Variants in MCTP1 observed in about 807,000 individuals in gnomAD.
The protein encoded by MCTP1 is multiple C2 and transmembrane domain-containing protein 1.
In MCTP1, 69 loss-of-function variants were observed where a neutral mutation model predicts 120.6. That is an observed-to-expected ratio of 0.57 (90% CI 0.47 to 0.70). The LOEUF (loss-of-function observed/expected upper bound fraction) is 0.70. MCTP1 is among the 30% of genes least tolerant of loss of function. The pLI, the probability that MCTP1 is intolerant of heterozygous loss-of-function variation, is 0.00. For missense variants in MCTP1, 1,203 were observed against 1,248.8 expected (o/e 0.96, Z 0.55); for synonymous variants, 529 against 493.1 (o/e 1.07, Z -0.96).
intron 1 of MCTP1, among the ~76,000 whole-genome samples, chr5:95,144,432 TG>T (rs778058194): frequency 4.1e-4 from 63 of 152,316 alleles, no homozygotes; most frequent in Non-Finnish European, 6.6e-4. Context: ...TGTCAATTTT[TG>T]TTTTTGTTGC....
intron 2 of MCTP1, among the ~76,000 whole-genome samples, chr5:94,965,431 CTG>C (rs1185624108): frequency 1.3e-5 from 2 of 152,142 alleles, no homozygotes; most frequent in Non-Finnish European, 2.9e-5. Flanking sequence ...CAGCCCTTTA[CTG>C]TGCCTTTTCC....
intron 2 of MCTP1, among the ~76,000 whole-genome samples, chr5:95,005,326 C>A (rs1415370371): frequency 2.0e-5 from 3 of 152,058 alleles, no homozygotes; most frequent in Non-Finnish European, 4.4e-5. Flanking sequence ...AGACTTTGGA[C>A]TTGGACTTTT....
chr5:94,862,897 T>C (rs1246468657), intron 17 of MCTP1, among the ~76,000 whole-genome samples: 1 of 151,794 alleles, frequency 6.6e-6, no homozygotes, highest in Admixed American at 6.6e-5. Context: ...GAAAAGAAAA[T>C]TGTGGTACGA....
At chr5:94,891,007 T>C (rs753426956) in intron 11 of MCTP1, among the ~76,000 whole-genome samples, 4 of 152,180 alleles carry the variant, frequency 2.6e-5, no homozygotes, top group Non-Finnish European at 5.9e-5. Flanking sequence ...ATATTAATAA[T>C]GTGAGAATAC....
chr5:94,738,636 T>G (rs1423405879), intron 19 of MCTP1, among the ~76,000 whole-genome samples: 1 of 152,168 alleles, frequency 6.6e-6, no homozygotes, highest in East Asian at 1.9e-4. Context: ...TTGATTCATC[T>G]CTCCCTGTTG....
intron 19 of MCTP1, among the ~76,000 whole-genome samples, chr5:94,773,442 C>A (rs572032807): frequency 6.6e-6 from 1 of 152,092 alleles, no homozygotes; most frequent in African/African-American, 2.4e-5. Flanking sequence ...TGGGTCTATG[C>A]GGTTTTGATA....
At position 94,852,450 on chromosome 5, in the gene MCTP1, G is replaced by A. The variant is rs568185121; in HGVS notation, c.2436+15883C>T. Among the ~76,000 whole-genome samples, 6 of 151,910 alleles carry A rather than the reference G, an allele frequency of 3.9e-5. No individual in the cohort carries two copies. In the South Asian group the frequency reaches 1.2e-3, roughly 32 times the overall value. ...GCATAATTATAAACCATAACAAGGGGTAAGAATTTTCCTACTGCATTTTAG... is the reference window on the plus strand; with the variant it reads ...GCATAATTATAAACCATAACAAGGGATAAGAATTTTCCTACTGCATTTTAG... On this transcript the variant is annotated intron_variant, in intron 17 of 22. Coordinates refer to ENST00000515393, the MANE Select transcript of MCTP1 (RefSeq NM_024717.7).
rs530429321 is a variant in MCTP1 at position 95,173,526 on chromosome 5, C to T, written c.720+110330G>A. On this transcript the variant is annotated intron_variant, in intron 1 of 22. Transcript: ENST00000515393. ...TGTTTATAAAGTAAAGGTTAAACTG[C>T]TTACCTTGGTAGGCAAGGCATGCTA... Among the ~76,000 whole-genome samples, 75 of 152,272 alleles carry T rather than the reference C, an allele frequency of 4.9e-4. 2 individuals carry two copies. The highest frequency in any genetic ancestry group is 1.0e-3 in the South Asian group (5 of 4,820).
intron 1 of MCTP1, among the ~76,000 whole-genome samples, chr5:95,228,840 C>T (rs1198873866): frequency 2.0e-5 from 3 of 152,172 alleles, no homozygotes; most frequent in African/African-American, 7.2e-5. Context: ...ATGTGAAGTG[C>T]CTGCTCCCTC....
At chr5:94,867,607 C>T (rs1337508806) in intron 17 of MCTP1, 1 of 397,810 alleles carries the variant, frequency 2.5e-6, no homozygotes, top group East Asian at 3.7e-5. Context: ...TCTACTTAAA[C>T]TTCAAACTGA....
intron 1 of MCTP1, among the ~76,000 whole-genome samples, chr5:95,164,962 T>C (rs1366573494): frequency 1.3e-5 from 2 of 152,256 alleles, no homozygotes; most frequent in East Asian, 3.9e-4. Context: ...AGGAGTCCTC[T>C]GCATCCAGCA....
intron 18 of MCTP1, 78 bp downstream of exon 18, chr5:94,798,935 C>A: frequency 6.7e-7 from 1 of 1,485,400 alleles, no homozygotes; most frequent in East Asian, 2.4e-5. Flanking sequence ...GTTTGTAAAG[C>A]CAAATTCAAT....
At chr5:95,167,206 G>A (rs1439457850) in intron 1 of MCTP1, among the ~76,000 whole-genome samples, 1 of 152,114 alleles carries the variant, frequency 6.6e-6, no homozygotes, top group Non-Finnish European at 1.5e-5. Context: ...ATGGTTTCCA[G>A]CTTCATCCAT....
intron 1 of MCTP1, among the ~76,000 whole-genome samples, chr5:95,217,459 C>A (rs986478801): frequency 2.0e-5 from 3 of 152,168 alleles, no homozygotes; most frequent in Non-Finnish European, 4.4e-5. Flanking sequence ...AACTATATTT[C>A]TTCGAATAAA....
chr5:94,704,913 GAGA>G lies in MCTP1; in HGVS notation c.*2580_*2582del, dbSNP rs1423994404. ...AGTCTGGAACAGTACCAGAATGAAT[GAGA>G]AGTACTATTATGTTCTTTTTGATAA... On this transcript the variant is annotated 3_prime_UTR_variant, in exon 23 of 23. Coordinates refer to ENST00000515393, the MANE Select transcript of MCTP1 (RefSeq NM_024717.7). 1.3e-5 allele frequency: 2 copies of G among 151,178 alleles called. No individual in the cohort carries two copies. Among genetic ancestry groups the G allele is most frequent in the African/African-American group, 4.8e-5 (2 of 41,302 alleles). The allele number at this position is 151,178 out of a possible 1,614,324, so 9.4% of individuals were successfully genotyped here.
At chr5:95,213,897 A>T (rs1284220033) in intron 1 of MCTP1, among the ~76,000 whole-genome samples, 1 of 152,250 alleles carries the variant, frequency 6.6e-6, no homozygotes, top group African/African-American at 2.4e-5. Flanking sequence ...GTTAGACCTA[A>T]AATCATAAAA....
intron 1 of MCTP1, among the ~76,000 whole-genome samples, chr5:95,114,602 C>T (rs1315981831): frequency 2.0e-5 from 3 of 152,152 alleles, no homozygotes; most frequent in Admixed American, 6.5e-5. Context: ...GAAGGGACTG[C>T]GTGTTGTTGT....
At chr5:94,846,817 C>CTGTG (rs67319075) in intron 17 of MCTP1, among the ~76,000 whole-genome samples, 136 of 147,240 alleles carry the variant, frequency 9.2e-4, no homozygotes, top group Admixed American at 1.1e-3. Context: ...CTGTGTGTGT[C>CTGTG]TGTGTGTGTG....
At chr5:94,816,199 T>C (rs974213876) in intron 17 of MCTP1, among the ~76,000 whole-genome samples, 1 of 152,202 alleles carries the variant, frequency 6.6e-6, no homozygotes, top group Non-Finnish European at 1.5e-5. Flanking sequence ...AGTGTATACA[T>C]GGATATAACA....
Sources: allele counts gnomAD v4.1 joint callset (sites outside exome capture counted in the v4.1 genomes callset), GRCh38; gene constraint gnomAD v4.1.1; transcripts MANE v1.5; gene names NCBI Gene and HGNC (gene_info 2026-07-23, HGNC 2026-07-21).